The following PTPN14 variants were observed in gnomAD, a reference collection of about 807,000 sequenced individuals.
PTPN14 encodes the protein tyrosine-protein phosphatase non-receptor type 14.
Under a neutral mutation model 126.8 loss-of-function variants are expected in PTPN14, and 53 were observed. The ratio of observed to expected loss-of-function variants is 0.42; its 90% CI spans 0.34 to 0.53. PTPN14 has a LOEUF of 0.53. PTPN14 is among the 20% of genes least tolerant of loss of function. The pLI is 0.08. For missense variants in PTPN14, 1,257 were observed against 1,552.9 expected (o/e 0.81, Z 3.20); for synonymous variants, 630 against 599.3 (o/e 1.05, Z -0.75).
intron 3 of PTPN14, among the ~76,000 whole-genome samples, chr1:214,445,266 A>G (rs1660117828): frequency 6.6e-6 from 1 of 152,110 alleles, no homozygotes; most frequent in South Asian, 2.1e-4. Context: ...TACTTGGAAC[A>G]GGTCCTGTGG....
intron 1 of PTPN14, among the ~76,000 whole-genome samples, chr1:214,465,285 G>A (rs375931675): frequency 8.7e-4 from 132 of 152,278 alleles, no homozygotes; most frequent in Non-Finnish European, 1.7e-3. Context: ...GTTCACATGC[G>A]TTTTTCACTA....
chr1:214,405,049 G>A (rs915933038), intron 5 of PTPN14, among the ~76,000 whole-genome samples: 3 of 152,172 alleles, frequency 2.0e-5, no homozygotes, highest in East Asian at 1.9e-4. Flanking sequence ...GCCCCAGGCC[G>A]ACACCTCTTC....
Position 214,497,845 on chromosome 1 carries a change from A to G in PTPN14, c.-154-32888T>C, listed in dbSNP as rs1177181320. ...ACAGCCCAAGCCATCAGCTATTCTTAGGGGGAAAAAAAAGGAAAATATAAA... is the reference window on the plus strand; with the variant it reads ...ACAGCCCAAGCCATCAGCTATTCTTGGGGGGAAAAAAAAGGAAAATATAAA... On this transcript the variant is annotated intron_variant, in intron 1 of 18. Coordinates refer to ENST00000366956, the MANE Select transcript of PTPN14 (RefSeq NM_005401.5). Among the ~76,000 whole-genome samples, 5 of 152,104 alleles carry G rather than the reference A, an allele frequency of 3.3e-5. No homozygotes were observed. In the East Asian group the frequency reaches 9.6e-4, roughly 29 times the overall value.
intron 1 of PTPN14, among the ~76,000 whole-genome samples, chr1:214,525,118 A>G (rs1288951610): frequency 2.0e-5 from 3 of 152,182 alleles, no homozygotes; most frequent in Non-Finnish European, 4.4e-5. Flanking sequence ...AACTACACAG[A>G]ATCAGCACTA....
chr1:214,412,190 G>T (rs1191809636), intron 4 of PTPN14, among the ~76,000 whole-genome samples: 1 of 152,118 alleles, frequency 6.6e-6, no homozygotes, highest in Non-Finnish European at 1.5e-5. Flanking sequence ...CCCTTGGCAA[G>T]CAACCTCAAA....
In PTPN14 at chr1:214,497,347, T is replaced by C. The variant is rs571801703; in HGVS notation, c.-154-32390A>G. Among the ~76,000 whole-genome samples the C allele has an allele frequency of 3.1e-3, 466 of 152,282 alleles. 2 individuals are homozygous for C. Among genetic ancestry groups the C allele is most frequent in the Non-Finnish European group, 4.3e-3 (294 of 68,014 alleles). On this transcript the variant is annotated intron_variant, in intron 1 of 18. Transcript: ENST00000366956. ...AATTAAACATGCACAAGAGGCAATG[T>C]TTTTAATCTATCAAGTTAAAAAAAT...
intron 3 of PTPN14, among the ~76,000 whole-genome samples, chr1:214,427,276 C>CAAAAA (rs5741915): frequency 2.9e-4 from 19 of 65,192 alleles, no homozygotes; most frequent in South Asian, 6.9e-4. Flanking sequence ...GTCTCCATCT[C>CAAAAA]AAAAAAAAAA....
At chr1:214,474,754 G>A (rs930096110) in intron 1 of PTPN14, among the ~76,000 whole-genome samples, 28 of 152,244 alleles carry the variant, frequency 1.8e-4, no homozygotes, top group African/African-American at 5.8e-4. Context: ...GCTTCAGCAG[G>A]CAATCTTCTA....
chr1:214,542,478 C>T (rs770312001), intron 1 of PTPN14, among the ~76,000 whole-genome samples: 8 of 152,062 alleles, frequency 5.3e-5, no homozygotes, highest in African/African-American at 1.4e-4. Flanking sequence ...CAGTTACAGG[C>T]AGGGACATGG....
intron 1 of PTPN14, among the ~76,000 whole-genome samples, chr1:214,538,787 G>T (rs1655769937): frequency 6.6e-6 from 1 of 152,106 alleles, no homozygotes; most frequent in African/African-American, 2.4e-5. Flanking sequence ...GCAGAACAAA[G>T]ATTTTTCCGT....
In PTPN14 at chr1:214,452,086, A is replaced by G. The variant is rs1660284407; in HGVS notation, c.175-112T>C. On this transcript the variant is annotated intron_variant, in intron 2 of 18. Coordinates refer to ENST00000366956, the MANE Select transcript of PTPN14 (RefSeq NM_005401.5). ...TCCCACCCTGGGTTCCCCAGCCCAT[A>G]TATAAGATCCAGCTTTGACATATAA... is the stretch of plus-strand genomic sequence containing the variant. 8 of 1,217,560 alleles carry G rather than the reference A, an allele frequency of 6.6e-6. No homozygotes were observed. In the Admixed American group the frequency reaches 9.5e-5, roughly 14 times the overall value. The allele number at this position is 1,217,560 out of a possible 1,614,324, so 75.4% of individuals were successfully genotyped here.
At chr1:214,363,860 G>T (rs1658009996) in intron 18 of PTPN14, among the ~76,000 whole-genome samples, 1 of 152,168 alleles carries the variant, frequency 6.6e-6, no homozygotes. Flanking sequence ...GTCTCTCAGT[G>T]TAACTCCCTA....
intron 1 of PTPN14, among the ~76,000 whole-genome samples, chr1:214,549,429 G>A (rs1172033647): frequency 6.6e-6 from 1 of 152,172 alleles, no homozygotes; most frequent in African/African-American, 2.4e-5. Context: ...TAAAAGCAGA[G>A]AAAAGTATAA....
intron 1 of PTPN14, among the ~76,000 whole-genome samples, chr1:214,536,587 C>A (rs1458655056): frequency 6.6e-6 from 1 of 151,786 alleles, no homozygotes; most frequent in African/African-American, 2.4e-5. Context: ...GAGTTCGAGA[C>A]CAGCTTGCGT....
At chr1:214,418,297 C>A (rs73075904) in intron 3 of PTPN14, among the ~76,000 whole-genome samples, 241 of 152,338 alleles carry the variant, frequency 1.6e-3, no homozygotes, top group African/African-American at 5.6e-3. Context: ...GCAAATAAAC[C>A]TTTGTTTGTG....
At chr1:214,534,484 C>A (rs1005126185) in intron 1 of PTPN14, among the ~76,000 whole-genome samples, 1 of 151,918 alleles carries the variant, frequency 6.6e-6, no homozygotes, top group African/African-American at 2.4e-5. Context: ...GAGGCCGAGG[C>A]GGGCGGATCA....
chr1:214,442,820 CTTT>C (rs61357323), intron 3 of PTPN14, among the ~76,000 whole-genome samples: 1 of 140,120 alleles, frequency 7.1e-6, no homozygotes. Flanking sequence ...GCATAGCTTT[CTTT>C]TTTTTTTTTT....
intron 3 of PTPN14, among the ~76,000 whole-genome samples, chr1:214,419,044 T>C (rs1659485416): frequency 6.6e-6 from 1 of 152,174 alleles, no homozygotes; most frequent in Non-Finnish European, 1.5e-5. Flanking sequence ...AAAATGCAAT[T>C]CATCGTCAGT....
chr1:214,464,657 A>G lies in PTPN14; in HGVS notation c.147T>C (p.Ala49=), dbSNP rs762607025. 29 of 1,614,128 alleles carry G rather than the reference A, an allele frequency of 1.8e-5. No homozygotes were observed. The East Asian group carries it at 5.3e-4, about 30-fold the overall frequency. Residue 49 remains alanine, a synonymous_variant, in exon 2 of 19, where the codon GCT becomes GCC. Transcript: ENST00000366956. ...VESTGQECLE[A]VAQRLELRET... is the part of the protein sequence containing the mutation. ...CTCGCAGCTCCAGCCTCTGGGCCAC[A>G]GCCTCCAGGCATTCTTGCCCTGTGC...
Sources: allele counts gnomAD v4.1 joint callset (sites outside exome capture counted in the v4.1 genomes callset), GRCh38; gene constraint gnomAD v4.1.1; transcripts MANE v1.5; gene names NCBI Gene and HGNC (gene_info 2026-07-23, HGNC 2026-07-21).